Variants in DGKI observed in about 807,000 individuals in gnomAD.
DGKI encodes DAG kinase iota.
In DGKI, 55 loss-of-function variants were observed where a neutral mutation model predicts 147.5. The ratio of observed to expected loss-of-function variants is 0.37; its 90% CI spans 0.30 to 0.47. DGKI has a LOEUF of 0.47. Among genes scored for constraint, DGKI ranks in the 20% least tolerant of loss-of-function variants. The pLI is 1.00. For missense variants in DGKI, 1,007 were observed against 1,323.8 expected, an observed-to-expected ratio of 0.76 and a Z score of 3.71; for synonymous variants, 469 against 477.1, an observed-to-expected ratio of 0.98 and a Z score of 0.22.
At chr7:137,558,407 G>A (rs1336611939) in intron 19 of DGKI, among the ~76,000 whole-genome samples, 3 of 152,122 alleles carry the variant, frequency 2.0e-5, no homozygotes, top group Admixed American at 6.5e-5. Context: ...CTGAGTAGCT[G>A]GGACTACAGG....
intron 21 of DGKI, among the ~76,000 whole-genome samples, chr7:137,493,299 C>A (rs1815840257): frequency 6.6e-6 from 1 of 152,202 alleles, no homozygotes; most frequent in African/African-American, 2.4e-5. Context: ...CTGCCACTTG[C>A]AAATGCCTGT....
chr7:137,484,680 A>T (rs1815491142), intron 23 of DGKI, among the ~76,000 whole-genome samples: 1 of 152,020 alleles, frequency 6.6e-6, no homozygotes, highest in Non-Finnish European at 1.5e-5. Flanking sequence ...GGGATGGGGA[A>T]GTTGGAAAGA....
At chr7:137,415,753 A>G (rs1033370443) in intron 28 of DGKI, among the ~76,000 whole-genome samples, 3 of 152,146 alleles carry the variant, frequency 2.0e-5, no homozygotes, top group Non-Finnish European at 4.4e-5. Flanking sequence ...AGGCCAAGGC[A>G]GGTGGATCAC....
intron 6 of DGKI, among the ~76,000 whole-genome samples, chr7:137,637,000 A>G (rs1821334022): frequency 6.6e-6 from 1 of 152,160 alleles, no homozygotes; most frequent in African/African-American, 2.4e-5. Context: ...TCTTCTTTAT[A>G]AACTACCCAG....
chr7:137,463,708 GA>G, intron 26 of DGKI, 97 bp from the exon 27 acceptor site: 2 of 1,423,724 alleles, frequency 1.4e-6, no homozygotes, highest in Non-Finnish European at 1.9e-6. Context: ...GTAAATGTGA[GA>G]AGCAAAATTC....
At chr7:137,573,390 T>G (rs1039628669) in intron 17 of DGKI, among the ~76,000 whole-genome samples, 3 of 152,194 alleles carry the variant, frequency 2.0e-5, no homozygotes, top group African/African-American at 7.2e-5. Context: ...TATCATACAG[T>G]AGTATTATCT....
At chr7:137,443,481 T>C (rs1177997915) in intron 28 of DGKI, among the ~76,000 whole-genome samples, 4 of 152,192 alleles carry the variant, frequency 2.6e-5, no homozygotes, top group Admixed American at 6.5e-5. Context: ...TTAACACTTT[T>C]GTGACTGATT....
intron 1 of DGKI, among the ~76,000 whole-genome samples, chr7:137,745,365 C>G (rs1795294119): frequency 6.6e-6 from 1 of 152,212 alleles, no homozygotes; most frequent in Admixed American, 6.5e-5. Flanking sequence ...AGTAGTCCCC[C>G]CTTATTCAGA....
At chr7:137,469,474 GC>G in intron 24 of DGKI, 75 bp downstream of exon 24, 1 of 1,456,008 alleles carries the variant, frequency 6.9e-7, no homozygotes, top group Non-Finnish European at 9.6e-7. Context: ...GAAAACTAGA[GC>G]CCACCCTATC....
intron 20 of DGKI, among the ~76,000 whole-genome samples, chr7:137,541,184 A>G (rs1280456178): frequency 6.6e-6 from 1 of 152,242 alleles, no homozygotes; most frequent in Non-Finnish European, 1.5e-5. Context: ...TGGCAAAGGC[A>G]TAAGCCATAG....
At chr7:137,843,544 G>A (rs945952460) in intron 1 of DGKI, 2 of 367,416 alleles carry the variant, frequency 5.4e-6, no homozygotes, top group African/African-American at 4.4e-5. Flanking sequence ...GGGAAATCTA[G>A]GAGTACAGAA....
Position 137,435,997 on chromosome 7 carries a change from C to T in DGKI, c.2761+8080G>A, listed in dbSNP as rs150882593. On this transcript the variant is annotated intron_variant, in intron 28 of 32. Coordinates refer to ENST00000614521, the MANE Select transcript of DGKI (RefSeq NM_001321708.2). ...GTTTCACGATGTTGGCTAGGCTGGT[C>T]TCAAACTCCTCACCTCAGGTGATCG... Among the ~76,000 whole-genome samples, 248 of 152,266 alleles carry T rather than the reference C, an allele frequency of 1.6e-3. 1 individual carries two copies. The highest frequency in any genetic ancestry group is 5.9e-3 in the African/African-American group (246 of 41,558).
At chr7:137,534,583 T>C (rs927226596) in intron 20 of DGKI, among the ~76,000 whole-genome samples, 1 of 152,064 alleles carries the variant, frequency 6.6e-6, no homozygotes, top group Non-Finnish European at 1.5e-5. Context: ...TTATTGTATC[T>C]ATATAATTAA....
intron 1 of DGKI, among the ~76,000 whole-genome samples, chr7:137,773,608 G>A (rs1252777173): frequency 6.6e-6 from 1 of 152,104 alleles, no homozygotes; most frequent in Non-Finnish European, 1.5e-5. Flanking sequence ...GAAAAATTCT[G>A]TTGGCAGGAC....
At chr7:137,521,788 C>A (rs928311104) in intron 21 of DGKI, 78 bp downstream of exon 21, 3 of 998,700 alleles carry the variant, frequency 3.0e-6, no homozygotes, top group Non-Finnish European at 4.7e-6. Context: ...ATAAATGAAT[C>A]TACCCATCAA....
intron 6 of DGKI, among the ~76,000 whole-genome samples, chr7:137,643,170 A>G (rs1037465639): frequency 2.0e-5 from 3 of 151,554 alleles, no homozygotes; most frequent in African/African-American, 7.3e-5. Context: ...GGGCGCCTGT[A>G]GTCCCAGCTA....
intron 1 of DGKI, among the ~76,000 whole-genome samples, chr7:137,700,878 CAAATAAATAAATAAAT>C (rs143983872): frequency 0.3 from 43,477 of 146,568 alleles, 7,035 homozygotes; most frequent in South Asian, 0.47. Context: ...AGCTCCGTCT[CAAATAAATAAATAAAT>C]AAATAAATAA....
At chr7:137,661,231 C>G (rs1277341890) in intron 3 of DGKI, among the ~76,000 whole-genome samples, 1 of 152,122 alleles carries the variant, frequency 6.6e-6, no homozygotes, top group Non-Finnish European at 1.5e-5. Context: ...AGGAAAAGAG[C>G]CAGCATGGCA....
intron 1 of DGKI, among the ~76,000 whole-genome samples, chr7:137,695,474 C>T (rs1405955638): frequency 1.3e-5 from 2 of 152,284 alleles, no homozygotes; most frequent in Admixed American, 6.5e-5. Context: ...ACATATTTTA[C>T]GTATCCCTCA....
Sources: gnomAD v4.1 joint callset for allele counts (sites outside exome capture counted in the v4.1 genomes callset) on GRCh38, gnomAD v4.1.1 for gene constraint, MANE v1.5 for transcripts, NCBI Gene and HGNC (gene_info 2026-07-23, HGNC 2026-07-21) for gene names.